Variants in KNOP1 observed in about 807,000 individuals in gnomAD.
The protein encoded by KNOP1 is lysine-rich nucleolar protein 1.
In KNOP1, 20 loss-of-function variants were observed where a neutral mutation model predicts 30.6. That is an observed-to-expected ratio of 0.65 (90% CI 0.46 to 0.95). KNOP1 has a LOEUF of 0.95. KNOP1 is among the 40% of genes least tolerant of loss of function. KNOP1 has a pLI of 0.00. For synonymous variants in KNOP1, 204 were observed against 210.0 expected (o/e 0.97, Z 0.25); for missense variants, 540 against 562.0 (o/e 0.96, Z 0.40).
At chr16:19,710,661 G>A (rs1013551130) in intron 3 of KNOP1, 75 bp from the exon 4 acceptor site, 19 of 1,233,564 alleles carry the variant, frequency 1.5e-5, no homozygotes, top group South Asian at 6.0e-5. Flanking sequence ...GGACAGAGAC[G>A]GGGCTGGGGG....
At position 19,714,926 on chromosome 16, in the gene KNOP1, T is replaced by C. The variant is rs1976939572; in HGVS notation, c.110A>G (p.Tyr37Cys). Residue 37 changes from tyrosine to cysteine, a missense_variant, in exon 2 of 5, where the codon TAC (tyrosine) becomes TGC (cysteine). Physicochemically the swap from Tyr to Cys is radical, Grantham distance 194. Transcript: ENST00000219837. ...TCTTAAAGGAGAAACATCAGCAAAG[T>C]AATCATCATTGTTTAAAACTGAGTA... The part of the protein sequence containing the change: ...TRYSVLNNDD[Y>C]FADVSPLRAT... The C allele has an allele frequency of 6.2e-7, 1 of 1,613,506 alleles. No individual in the cohort carries two copies. Among genetic ancestry groups the C allele is most frequent in the East Asian group, 2.2e-5 (1 of 44,892 alleles).
intron 4 of KNOP1, among the ~76,000 whole-genome samples, chr16:19,707,810 C>T (rs1264746157): frequency 3.7e-5 from 5 of 134,882 alleles, no homozygotes; most frequent in East Asian, 4.6e-4. Context: ...ACACTCTCCC[C>T]CTACCATCCT....
chr16:19,711,117 C>A (rs1976695667), intron 3 of KNOP1, among the ~76,000 whole-genome samples: 1 of 152,252 alleles, frequency 6.6e-6, no homozygotes, highest in African/African-American at 2.4e-5. Flanking sequence ...CCCCCACATC[C>A]TGCAGCAAGT....
At chr16:19,715,413 CTTT>C (rs59694825) in intron 1 of KNOP1, 11 of 126,650 alleles carry the variant, frequency 8.7e-5, no homozygotes, top group East Asian at 4.3e-4. Flanking sequence ...TTCTTTTTCT[CTTT>C]TTTTTTTTTT....
chr16:19,711,072 G>A (rs1485580706), intron 3 of KNOP1, among the ~76,000 whole-genome samples: 1 of 152,236 alleles, frequency 6.6e-6, no homozygotes, highest in African/African-American at 2.4e-5. Context: ...GGCAGCATGT[G>A]TCACCTGCCC....
chr16:19,714,006 T>C, intron 2 of KNOP1, 112 bp downstream of exon 2: 1 of 945,018 alleles, frequency 1.1e-6, no homozygotes, highest in Non-Finnish European at 1.6e-6. Context: ...GGGTTTTAGC[T>C]AAAAGCATGA....
At chr16:19,709,663 G>A (rs1444096513) in intron 4 of KNOP1, among the ~76,000 whole-genome samples, 1 of 152,040 alleles carries the variant, frequency 6.6e-6, no homozygotes, top group African/African-American at 2.4e-5. Flanking sequence ...TACCTTAGGG[G>A]TCTGCACCGG....
intron 2 of KNOP1, chr16:19,712,017 G>C (rs1976747079): frequency 6.5e-6 from 1 of 154,248 alleles, no homozygotes; most frequent in Admixed American, 6.4e-5. Flanking sequence ...GATGACCCTG[G>C]AAGCCCTCTC....
At chr16:19,717,852 C>G (rs1977259863) in intron 1 of KNOP1, 1 of 1,051,476 alleles carries the variant, frequency 9.5e-7, no homozygotes, top group Non-Finnish European at 1.1e-6. Flanking sequence ...CCCCACTCCC[C>G]CGGCAGGATC....
In KNOP1 at chr16:19,711,437, T is replaced by C; in HGVS notation, c.922A>G (p.Thr308Ala). The change falls in exon 3 of 5, where the codon ACA becomes GCA. Residue 308 changes from threonine to alanine, a missense_variant. Transcript: ENST00000219837. ...GVAGDPWKEE[T>A]DTDLEVVLEK... Reference sequence around the variant, plus strand: ...AACACCACCTCTAAGTCCGTGTCTGTTTCCTGCAGGAGAGGGCAGAGCTGG... The same window carrying C: ...AACACCACCTCTAAGTCCGTGTCTGCTTCCTGCAGGAGAGGGCAGAGCTGG... 6.2e-7 allele frequency: 1 copy of C among 1,614,108 alleles called. No homozygotes were observed. Among genetic ancestry groups the C allele is most frequent in the Non-Finnish European group, 8.5e-7 (1 of 1,180,000 alleles).
chr16:19,705,046 C>A lies in KNOP1; in HGVS notation c.*1864G>T. On this transcript the variant is annotated 3_prime_UTR_variant, in exon 5 of 5. Transcript: ENST00000219837. Reference sequence around the variant, plus strand: ...GCAGCTATGGGCAGATGACTCATTGCCCAGCAATGGAGGCTTCTGGAAGTT... The same window carrying A: ...GCAGCTATGGGCAGATGACTCATTGACCAGCAATGGAGGCTTCTGGAAGTT... 1 of 402,084 alleles carries A rather than the reference C, an allele frequency of 2.5e-6. No individual in the cohort carries two copies. The highest frequency in any genetic ancestry group is 5.0e-6 in the Non-Finnish European group (1 of 199,504). 24.9% of individuals were successfully genotyped at this position (402,084 alleles called of 1,614,324 possible).
chr16:19,709,079 G>T (rs1796656181), intron 4 of KNOP1, among the ~76,000 whole-genome samples: 1 of 152,098 alleles, frequency 6.6e-6, no homozygotes, highest in South Asian at 2.1e-4. Flanking sequence ...TGTCCCATCA[G>T]CTCGGCTCAG....
Position 19,714,896 on chromosome 16 carries a change from G to A in KNOP1, c.140C>T (p.Thr47Ile), listed in dbSNP as rs747921062. Residue 47 changes from threonine (T) to isoleucine (I), a missense_variant, in exon 2 of 5, where the codon ACA (threonine) becomes ATA (isoleucine). By Grantham distance (89) the Thr-to-Ile change is moderately conservative. Transcript: ENST00000219837. ...YFADVSPLRA[T>I]SPSKSVAHGQ... is the part of the protein sequence containing the mutation. ...ATGGGCCACACTCTTAGAGGGGGAT[G>A]TAGCTCTTAAAGGAGAAACATCAGC... is the stretch of plus-strand genomic sequence containing the variant. The A allele has an allele frequency of 2.5e-6, 4 of 1,613,960 alleles. No individual in the cohort carries two copies. Among genetic ancestry groups the A allele is most frequent in the Non-Finnish European group, 3.4e-6 (4 of 1,179,966 alleles).
rs916343480 is a variant in KNOP1 at position 19,711,435 on chromosome 16, T to C, written c.924A>G (p.Thr308=). ...CCAACACCACCTCTAAGTCCGTGTC[T>C]GTTTCCTGCAGGAGAGGGCAGAGCT... ...GVAGDPWKEE[T]DTDLEVVLEK... Residue 308 remains threonine, a synonymous_variant, in exon 3 of 5, where the codon ACA becomes ACG. Coordinates refer to ENST00000219837, the MANE Select transcript of KNOP1 (RefSeq NM_001012991.3). The C allele has an allele frequency of 4.3e-6, 7 of 1,614,154 alleles. No homozygotes were observed. Among genetic ancestry groups the C allele is most frequent in the Non-Finnish European group, 5.9e-6 (7 of 1,180,010 alleles).
intron 4 of KNOP1, among the ~76,000 whole-genome samples, chr16:19,709,920 T>C (rs1029891007): frequency 3.9e-5 from 6 of 152,172 alleles, no homozygotes; most frequent in Non-Finnish European, 5.9e-5. Flanking sequence ...GTGAGCGCGA[T>C]GATGGGGATC....
Position 19,706,715 on chromosome 16 carries a change from A to C in KNOP1, c.*195T>G. The stretch of plus-strand genomic sequence containing the variant: ...GTGAGCCAACTGTCAGATGGCTTTC[A>C]TTTGCACAACTGAATAAACCATTTA... On this transcript the variant is annotated 3_prime_UTR_variant, in exon 5 of 5. Transcript: ENST00000219837. 1 of 639,284 alleles carries C rather than the reference A, an allele frequency of 1.6e-6. No homozygotes were observed. Among genetic ancestry groups the C allele is most frequent in the Non-Finnish European group, 2.7e-6 (1 of 370,096 alleles). 39.6% of individuals were successfully genotyped at this position (639,284 alleles called of 1,614,324 possible). A position where few individuals can be genotyped will look rare whatever the true frequency, so the allele number is the denominator to read the frequency against.
At chr16:19,717,350 C>A (rs961191633) in intron 1 of KNOP1, 5 of 985,142 alleles carry the variant, frequency 5.1e-6, no homozygotes, top group Non-Finnish European at 6.0e-6. Flanking sequence ...AAGGTGCAAA[C>A]CTTGAAATAG....
At chr16:19,707,329 G>T in intron 4 of KNOP1, 108 bp from the exon 5 acceptor site, 2 of 829,580 alleles carry the variant, frequency 2.4e-6, no homozygotes, top group Non-Finnish European at 3.9e-6. Context: ...TGGCTGCTGT[G>T]TACCAGGCAC....
At chr16:19,710,205 T>G (rs932324921) in intron 4 of KNOP1, 2 of 445,694 alleles carry the variant, frequency 4.5e-6, no homozygotes, top group East Asian at 4.2e-5. Context: ...TGGCAAGAGC[T>G]CGCTGGAATG....
Sources: allele counts gnomAD v4.1 joint callset (sites outside exome capture counted in the v4.1 genomes callset), GRCh38; gene constraint gnomAD v4.1.1; transcripts MANE v1.5; gene names NCBI Gene and HGNC (gene_info 2026-07-23, HGNC 2026-07-21).